Variants in GRIA3 observed in about 807,000 individuals in gnomAD.
GRIA3 encodes the protein glutamate receptor 3.
A neutral mutation model predicts 63.0 loss-of-function variants in GRIA3; 3 were observed. That is an observed-to-expected ratio of 0.05 (90% CI 0.02 to 0.12). The LOEUF (loss-of-function observed/expected upper bound fraction) is 0.12, where lower values mean the gene tolerates loss of function less well. Ranked by LOEUF, GRIA3 falls within the 10% of genes least tolerant of loss-of-function variation. The probability of loss-of-function intolerance (pLI) is 1.00; values close to 1 mark genes in which losing one functional copy is unlikely to be tolerated. For synonymous variants in GRIA3, 274 were observed against 257.9 expected (o/e 1.06, Z -0.60); for missense variants, 347 against 700.9 (o/e 0.50, Z 5.70).
chrX:123,434,286 A>C (rs751347436), intron 12 of GRIA3, among the ~76,000 whole-genome samples: 1 of 112,076 alleles, frequency 8.9e-6, no homozygotes, highest in Non-Finnish European at 1.9e-5. Context: ...CTTTTGTTAA[A>C]AATTTTTCTC....
At chrX:123,269,089 T>C in intron 3 of GRIA3, among the ~76,000 whole-genome samples, 1 of 112,233 alleles carries the variant, frequency 8.9e-6, no homozygotes. Context: ...GTTCCTCATG[T>C]ACTCACCCAC....
At chrX:123,478,611 G>A (rs2045897556) in intron 13 of GRIA3, among the ~76,000 whole-genome samples, 1 of 112,181 alleles carries the variant, frequency 8.9e-6, no homozygotes, top group Non-Finnish European at 1.9e-5. Context: ...CAGCAAATGA[G>A]GGAAGAAAGG....
intron 10 of GRIA3, among the ~76,000 whole-genome samples, chrX:123,414,139 C>T (rs1048761684): frequency 8.1e-5 from 9 of 111,769 alleles, no homozygotes; most frequent in Non-Finnish European, 1.3e-4. Context: ...GACAGTAAAG[C>T]TGTCTTTTTT....
chrX:123,393,074 A>C (rs2045395256), intron 5 of GRIA3, among the ~76,000 whole-genome samples: 1 of 112,506 alleles, frequency 8.9e-6, no homozygotes, highest in South Asian at 3.7e-4. Context: ...TGATGAATTA[A>C]TGTTAATTTT....
chrX:123,489,168 C>A lies in GRIA3; in HGVS notation c.*458C>A, dbSNP rs762002045. On this transcript the variant is annotated 3_prime_UTR_variant, in exon 16 of 16. Transcript: ENST00000620443. ...CCCATCTAAGCTAAAAAAATTAATT[C>A]TTCCTGATTAAAAAGAAAAAATCTG... The A allele has an allele frequency of 9.1e-6, 1 of 110,274 alleles. No homozygotes were observed. Among genetic ancestry groups the A allele is most frequent in the African/African-American group, 3.3e-5 (1 of 30,225 alleles). The allele number at this position is 110,274 out of a possible 1,213,427, so 9.1% of individuals were successfully genotyped here. A position where few individuals can be genotyped will look rare whatever the true frequency, so the allele number is the denominator to read the frequency against.
Position 123,277,557 on chromosome X carries a change from C to G in GRIA3, c.508+24015C>G, listed in dbSNP as rs1028875875. Among the ~76,000 whole-genome samples, 4 of 111,519 alleles carry G rather than the reference C, an allele frequency of 3.6e-5. No individual in the cohort carries two copies. In the Admixed American group the frequency reaches 3.8e-4, roughly 11 times the overall value. ...TAGATAGAGCCAGTGCATGTTGAGA[C>G]CTGGCTCAAACTCGCCTCTCTCAGG... On this transcript the variant is annotated intron_variant, in intron 3 of 15. Coordinates refer to ENST00000620443, the MANE Select transcript of GRIA3 (RefSeq NM_007325.5).
At chrX:123,260,612 G>A (rs769952287) in intron 3 of GRIA3, among the ~76,000 whole-genome samples, 2 of 106,798 alleles carry the variant, frequency 1.9e-5, no homozygotes, top group Non-Finnish European at 3.9e-5. Context: ...ATTAAAAGAC[G>A]TACGAAGGAA....
intron 3 of GRIA3, among the ~76,000 whole-genome samples, chrX:123,320,225 AT>A (rs2044859083): frequency 8.9e-6 from 1 of 111,875 alleles, no homozygotes; most frequent in Non-Finnish European, 1.9e-5. Flanking sequence ...CAAGCTGTTC[AT>A]TTGTTAAACT....
chrX:123,440,278 G>A (rs1422328856), intron 12 of GRIA3, among the ~76,000 whole-genome samples: 1 of 112,280 alleles, frequency 8.9e-6, no homozygotes, highest in Non-Finnish European at 1.9e-5. Context: ...TGTCTTTATG[G>A]TAGAATGATT....
At chrX:123,439,109 G>T (rs1402553852) in intron 12 of GRIA3, among the ~76,000 whole-genome samples, 1 of 111,964 alleles carries the variant, frequency 8.9e-6, no homozygotes, top group Non-Finnish European at 1.9e-5. Flanking sequence ...TTTAGTTAGT[G>T]GCCCCGACTT....
intron 10 of GRIA3, among the ~76,000 whole-genome samples, chrX:123,416,270 C>A (rs1368795199): frequency 4.5e-5 from 5 of 111,891 alleles, no homozygotes; most frequent in African/African-American, 9.8e-5. Context: ...AATTTCATTT[C>A]TTTGAAAATA....
chrX:123,207,567 C>T (rs1157334554), intron 2 of GRIA3, among the ~76,000 whole-genome samples: 1 of 112,135 alleles, frequency 8.9e-6, no homozygotes, highest in Non-Finnish European at 1.9e-5. Context: ...AAGTAAGCTA[C>T]TGTTTCCTTT....
At chrX:123,382,967 C>G (rs1376137337) in intron 5 of GRIA3, among the ~76,000 whole-genome samples, 1 of 111,825 alleles carries the variant, frequency 8.9e-6, no homozygotes, top group Non-Finnish European at 1.9e-5. Context: ...ACCCCTTTCT[C>G]TCAAGAAAGA....
At chrX:123,213,603 T>C (rs1216538534) in intron 2 of GRIA3, among the ~76,000 whole-genome samples, 5 of 112,061 alleles carry the variant, frequency 4.5e-5, no homozygotes, top group African/African-American at 1.6e-4. Context: ...TTAAGAATAA[T>C]TTCCATATTG....
intron 12 of GRIA3, among the ~76,000 whole-genome samples, chrX:123,435,612 TAA>T (rs2045639872): frequency 8.9e-6 from 1 of 111,988 alleles, no homozygotes; most frequent in African/African-American, 3.2e-5. Context: ...TGCCTACTTT[TAA>T]AAGACACTTC....
At position 123,468,126 on chromosome X, in the gene GRIA3, G is replaced by A. The variant is rs189685362; in HGVS notation, c.2324+3014G>A. ...CTCAACTATGGATAATAGTATGATC[G>A]ATCAGTGCTGCATACCCAACGATTG... On this transcript the variant is annotated intron_variant, in intron 13 of 15. Transcript: ENST00000620443. 5.6e-4 allele frequency among the ~76,000 whole-genome samples: 62 copies of A among 111,578 alleles called. 2 individuals carry two copies. The highest frequency in any genetic ancestry group is 1.9e-3 in the African/African-American group (60 of 30,813).
intron 11 of GRIA3, among the ~76,000 whole-genome samples, chrX:123,426,677 C>A (rs1326385286): frequency 8.9e-6 from 1 of 112,270 alleles, no homozygotes; most frequent in Non-Finnish European, 1.9e-5. Context: ...CTTGGGCATT[C>A]AGCTATTCTG....
At chrX:123,197,573 ACTCTTGTCCAATTCTTACCAT>A (rs1397934149) in intron 2 of GRIA3, among the ~76,000 whole-genome samples, 1 of 112,153 alleles carries the variant, frequency 8.9e-6, no homozygotes, top group Non-Finnish European at 1.9e-5. Context: ...TCTGTCATTA[ACTCTTGTCCAATTCTTACCAT>A]CTCATTTCAT....
At chrX:123,310,984 C>T (rs1430016186) in intron 3 of GRIA3, among the ~76,000 whole-genome samples, 2 of 89,849 alleles carry the variant, frequency 2.2e-5, no homozygotes, top group African/African-American at 4.2e-5. Flanking sequence ...TCCTGGGCAA[C>T]ACAGTGAGAA....
Sources: gnomAD v4.1 joint callset for allele counts (sites outside exome capture counted in the v4.1 genomes callset) on GRCh38, gnomAD v4.1.1 for gene constraint, MANE v1.5 for transcripts, NCBI Gene and HGNC (gene_info 2026-07-23, HGNC 2026-07-21) for gene names.